Variants in SYNE1 observed in about 807,000 individuals in gnomAD.
The protein encoded by SYNE1 is spectrin repeat containing nuclear envelope protein 1.
SYNE1 carries 616 observed loss-of-function variants against 1,111.0 expected under a neutral mutation model. That is an observed-to-expected ratio of 0.55 (90% confidence interval 0.52 to 0.59). The LOEUF (loss-of-function observed/expected upper bound fraction) is 0.59. SYNE1 is among the 20% of genes least tolerant of loss of function. The probability of loss-of-function intolerance (pLI) is 0.00; values close to 1 mark genes in which losing one functional copy is unlikely to be tolerated. For synonymous variants in SYNE1, 3,855 were observed against 3,825.8 expected (o/e 1.01, Z -0.28); for missense variants, 10,006 against 10,417.0 (o/e 0.96, Z 1.72).
At chr6:152,489,685 C>T (rs76957586) in intron 11 of SYNE1, among the ~76,000 whole-genome samples, 3,511 of 152,206 alleles carry the variant, frequency 0.023, 60 homozygotes, top group Middle Eastern at 0.088. Flanking sequence ...CACATTTTCC[C>T]TTGGATAATG....
At chr6:152,374,314 C>T (rs1419204605) in intron 58 of SYNE1, among the ~76,000 whole-genome samples, 2 of 152,196 alleles carry the variant, frequency 1.3e-5, no homozygotes, top group African/African-American at 2.4e-5. Context: ...ATTGAAAGCA[C>T]AAGCTCAAAG....
Position 152,180,302 on chromosome 6 carries a change from GT to G in SYNE1, c.23302-9del. 6.2e-7 allele frequency: 1 copy of G among 1,613,788 alleles called. No individual in the cohort carries two copies. Among genetic ancestry groups the G allele is most frequent in the Non-Finnish European group, 8.5e-7 (1 of 1,179,920 alleles). On this transcript the variant is annotated splice_polypyrimidine_tract_variant and intron_variant, in intron 128 of 145. Transcript: ENST00000367255. ...CTGCCGCCTTAAGGAGAGCTGAAAA[GT>G]TTAAAATGGGAGAATAGGCAAAATG...
intron 12 of SYNE1, among the ~76,000 whole-genome samples, chr6:152,485,617 C>T (rs981799149): frequency 6.6e-6 from 1 of 152,054 alleles, no homozygotes; most frequent in African/African-American, 2.4e-5. Context: ...AAGCTTAATG[C>T]TAACATTAAA....
intron 127 of SYNE1, among the ~76,000 whole-genome samples, chr6:152,191,997 T>C (rs923248915): frequency 2.6e-5 from 4 of 152,224 alleles, no homozygotes; most frequent in African/African-American, 7.2e-5. Context: ...AACCTCTTCA[T>C]TGACTCACTG....
At chr6:152,454,964 CATGATAAACATGAAG>C (rs1174251439) in intron 24 of SYNE1, among the ~76,000 whole-genome samples, 3 of 152,054 alleles carry the variant, frequency 2.0e-5, no homozygotes, top group Non-Finnish European at 4.4e-5. Context: ...GATGGCTTTT[CATGATAAACATGAAG>C]ATGATAAACA....
At chr6:152,481,865 G>T (rs2098903583) in intron 14 of SYNE1, among the ~76,000 whole-genome samples, 1 of 150,998 alleles carries the variant, frequency 6.6e-6, no homozygotes, top group South Asian at 2.1e-4. Context: ...AGATAAGCAG[G>T]CCCCGCTTTT....
intron 138 of SYNE1, among the ~76,000 whole-genome samples, chr6:152,142,356 C>T (rs2058696672): frequency 6.6e-6 from 1 of 152,066 alleles, no homozygotes; most frequent in African/African-American, 2.4e-5. Context: ...AATGTTACGA[C>T]AAATCTCATG....
rs548150223 is a variant in SYNE1, at chr6:152,562,253, C to T, written c.68-22232G>A. Among the ~76,000 whole-genome samples the T allele has an allele frequency of 2.0e-5, 3 of 152,240 alleles. No homozygotes were observed. In the East Asian group the frequency reaches 5.8e-4, roughly 29 times the overall value. On this transcript the variant is annotated intron_variant, in intron 3 of 145. Transcript: ENST00000367255. ...AAAACGGGCAAAGGACCTGACTAGA[C>T]ATTTCTCAAAAGAATACATACGAAT...
chr6:152,571,427 A>G (rs557828449), intron 3 of SYNE1, among the ~76,000 whole-genome samples: 2 of 152,324 alleles, frequency 1.3e-5, no homozygotes, highest in East Asian at 3.9e-4. Context: ...TTCTGAAGGA[A>G]TGGAGAATAC....
At chr6:152,573,328 C>A (rs201618235) in intron 3 of SYNE1, among the ~76,000 whole-genome samples, 2 of 120,760 alleles carry the variant, frequency 1.7e-5, no homozygotes, top group African/African-American at 6.0e-5. Flanking sequence ...GCTATCCCCC[C>A]CCCTCCCCCC....
chr6:152,166,061 A>T (rs2063591783), intron 130 of SYNE1, among the ~76,000 whole-genome samples: 1 of 152,184 alleles, frequency 6.6e-6, no homozygotes, highest in Non-Finnish European at 1.5e-5. Context: ...ATGACTTCAG[A>T]TTTCGTAGGA....
intron 74 of SYNE1, among the ~76,000 whole-genome samples, chr6:152,340,502 C>G (rs2096511213): frequency 6.6e-6 from 1 of 152,192 alleles, no homozygotes; most frequent in Admixed American, 6.5e-5. Context: ...TTAATGCCAG[C>G]AGTGTCCCCA....
At chr6:152,214,854 C>A in intron 122 of SYNE1, 52 bp downstream of exon 122, 1 of 1,607,982 alleles carries the variant, frequency 6.2e-7, no homozygotes, top group Non-Finnish European at 8.5e-7. Context: ...CATAGCGGCA[C>A]AAACCAGACT....
intron 127 of SYNE1, among the ~76,000 whole-genome samples, chr6:152,191,372 A>G (rs2072315507): frequency 6.6e-6 from 1 of 151,670 alleles, no homozygotes; most frequent in South Asian, 2.1e-4. Flanking sequence ...GTTCTTCTTT[A>G]AATGTTTGGT....
At chr6:152,569,683 A>G (rs182243723) in intron 3 of SYNE1, among the ~76,000 whole-genome samples, 374 of 152,324 alleles carry the variant, frequency 2.5e-3, no homozygotes, top group African/African-American at 8.0e-3. Context: ...CACAAGCTGC[A>G]TCCAAAATAC....
chr6:152,422,275 A>C (rs1045814526), intron 39 of SYNE1, among the ~76,000 whole-genome samples: 3 of 152,186 alleles, frequency 2.0e-5, no homozygotes, highest in African/African-American at 7.2e-5. Context: ...TTTCCTTAGA[A>C]ATGTCTCTTA....
chr6:152,564,569 G>T (rs2099405479), intron 3 of SYNE1, among the ~76,000 whole-genome samples: 1 of 152,036 alleles, frequency 6.6e-6, no homozygotes. Flanking sequence ...TGCCCACCTT[G>T]GCCTCCAAAA....
chr6:152,345,566 T>C (rs2154021975), intron 73 of SYNE1, among the ~76,000 whole-genome samples: 1 of 117,090 alleles, frequency 8.5e-6, no homozygotes, highest in African/African-American at 2.9e-5. Flanking sequence ...TTTGTTAACC[T>C]TTGAAGGTGA....
At chr6:152,319,087 T>G (rs2095807545) in intron 84 of SYNE1, 72 bp from the exon 85 acceptor site, 1 of 1,585,514 alleles carries the variant, frequency 6.3e-7, no homozygotes, top group South Asian at 1.1e-5. Flanking sequence ...AAATCTCAAA[T>G]GATGTTGACA....
Sources: gnomAD v4.1 joint callset for allele counts (sites outside exome capture counted in the v4.1 genomes callset) on GRCh38, gnomAD v4.1.1 for gene constraint, MANE v1.5 for transcripts, NCBI Gene and HGNC (gene_info 2026-07-23, HGNC 2026-07-21) for gene names.